Variants in PHACTR2 observed in about 807,000 individuals in gnomAD.
PHACTR2 encodes the protein chromosome 6 open reading frame 56.
Under a neutral mutation model 76.0 loss-of-function variants are expected in PHACTR2, and 30 were observed. That is an observed-to-expected ratio of 0.39 (90% CI 0.30 to 0.54). The LOEUF (loss-of-function observed/expected upper bound fraction) is 0.54. Among genes scored for constraint, PHACTR2 ranks in the 20% least tolerant of loss-of-function variants. The pLI is 0.61. For missense variants in PHACTR2, 696 were observed against 781.1 expected (o/e 0.89, Z 1.30); for synonymous variants, 292 against 292.5 (o/e 1.00, Z 0.02).
chr6:143,624,490 C>T lies in PHACTR2; in HGVS notation c.13+16168C>T, dbSNP rs1776219106. Among the ~76,000 whole-genome samples, 1 of 152,222 alleles carries T rather than the reference C, an allele frequency of 6.6e-6. No homozygotes were observed. Among genetic ancestry groups the T allele is most frequent in the African/African-American group, 2.4e-5 (1 of 41,460 alleles). ...CAATATCACCACAACATGGACATTTCAACTAGATTTTCTTCCACCTTCCTA... is the reference window on the plus strand; with the variant it reads ...CAATATCACCACAACATGGACATTTTAACTAGATTTTCTTCCACCTTCCTA... On this transcript the variant is annotated intron_variant, in intron 1 of 11. Coordinates refer to the PHACTR2 transcript ENST00000305766. This position sits in a 1 kb window ranked among gnomAD's most constrained non-coding sequence, Gnocchi z 4.6.
At position 143,757,006 on chromosome 6, in the gene PHACTR2, A is replaced by C. The variant is rs1779316039; in HGVS notation, c.454+3094A>C. Among the ~76,000 whole-genome samples, 1 of 152,136 alleles carries C rather than the reference A, an allele frequency of 6.6e-6. No homozygotes were observed. Among genetic ancestry groups the C allele is most frequent in the African/African-American group, 2.4e-5 (1 of 41,440 alleles). On this transcript the variant is annotated intron_variant, in intron 4 of 12. Coordinates refer to ENST00000440869, the MANE Select transcript of PHACTR2 (RefSeq NM_001100164.2). The surrounding 1 kb of genome is among the most constrained non-coding windows in gnomAD (Gnocchi z 4.2). ...AGGTTGTAGTGAGCTGAGTTCAGGC[A>C]CCATTGCACTCCAGCCTGGGTGACA... is the stretch of plus-strand genomic sequence containing the variant.
At chr6:143,565,769 G>T (rs540440900) in intron 1 of PHACTR2, among the ~76,000 whole-genome samples, 2 of 152,172 alleles carry the variant, frequency 1.3e-5, no homozygotes, top group Admixed American at 6.5e-5. Flanking sequence ...AGGTAGGAGG[G>T]CCCCAGAATG....
In PHACTR2 at chr6:143,733,998, C is replaced by T. The variant is rs528051715; in HGVS notation, c.215-14987C>T. ...ATAAAGGAGACTAATTATTTCTCCCCTTTTCTTCTCCCAGTAGAATGGATT... is the reference window on the plus strand; with the variant it reads ...ATAAAGGAGACTAATTATTTCTCCCTTTTTCTTCTCCCAGTAGAATGGATT... On this transcript the variant is annotated intron_variant, in intron 2 of 12. Coordinates refer to ENST00000440869, the MANE Select transcript of PHACTR2 (RefSeq NM_001100164.2). The surrounding 1 kb of genome is among the most constrained non-coding windows in gnomAD (Gnocchi z 4.0). 6.6e-6 allele frequency among the ~76,000 whole-genome samples: 1 copy of T among 152,130 alleles called. No homozygotes were observed.
chr6:143,729,442 T>A (rs1778653427), intron 2 of PHACTR2, among the ~76,000 whole-genome samples: 1 of 152,180 alleles, frequency 6.6e-6, no homozygotes, highest in Non-Finnish European at 1.5e-5. Flanking sequence ...ATCCTATGTT[T>A]TCTTCTAAAT....
intron 1 of PHACTR2, among the ~76,000 whole-genome samples, chr6:143,615,316 T>C (rs1259466603): frequency 6.6e-6 from 1 of 152,176 alleles, no homozygotes; most frequent in Non-Finnish European, 1.5e-5. Flanking sequence ...GTGTTTTCCA[T>C]AGCATTGAGC....
At chr6:143,734,882 C>T (rs1376326878) in intron 2 of PHACTR2, among the ~76,000 whole-genome samples, 1 of 152,138 alleles carries the variant, frequency 6.6e-6, no homozygotes, top group African/African-American at 2.4e-5. Flanking sequence ...GCCCTTCTGG[C>T]CTGGGTCAGA....
rs1334114689 is a variant in PHACTR2 at position 143,825,761 on chromosome 6, A to G, written c.*2072A>G. ...TTAAACACTTTTTAAATTTCTAACCACAAGACCTCTCTATAATGGTAAATG... is the reference window on the plus strand; with the variant it reads ...TTAAACACTTTTTAAATTTCTAACCGCAAGACCTCTCTATAATGGTAAATG... On this transcript the variant is annotated 3_prime_UTR_variant, in exon 13 of 13. Coordinates refer to ENST00000440869, the MANE Select transcript of PHACTR2 (RefSeq NM_001100164.2). This position sits in a 1 kb window ranked among gnomAD's most constrained non-coding sequence, Gnocchi z 4.1. The G allele has an allele frequency of 6.6e-6, 1 of 152,136 alleles. No individual in the cohort carries two copies. Among genetic ancestry groups the G allele is most frequent in the Non-Finnish European group, 1.5e-5 (1 of 68,024 alleles). 9.4% of individuals were successfully genotyped at this position (152,136 alleles called of 1,614,324 possible).
chr6:143,790,209 C>T (rs9496771), intron 11 of PHACTR2, among the ~76,000 whole-genome samples: 91,965 of 151,836 alleles, frequency 0.61, 27,872 homozygotes, highest in South Asian at 0.67. Flanking sequence ...TTGTGAAGGT[C>T]AATAAGCTTG....
At position 143,730,694 on chromosome 6, in the gene PHACTR2, C is replaced by A. The variant is rs57989476; in HGVS notation, c.215-18291C>A. 2.0e-5 allele frequency among the ~76,000 whole-genome samples: 3 copies of A among 152,052 alleles called. No individual in the cohort carries two copies. The highest frequency in any genetic ancestry group is 6.6e-5 in the Admixed American group (1 of 15,260). Reference sequence around the variant, plus strand: ...TTGAAGGAGATATCCATGCTTTGTTCCTATTCTTAGGGGGAAAGCATTCAT... The same window carrying A: ...TTGAAGGAGATATCCATGCTTTGTTACTATTCTTAGGGGGAAAGCATTCAT... On this transcript the variant is annotated intron_variant, in intron 2 of 12. Coordinates refer to ENST00000440869, the MANE Select transcript of PHACTR2 (RefSeq NM_001100164.2). This position sits in a 1 kb window ranked among gnomAD's most constrained non-coding sequence, Gnocchi z 4.8.
rs529706933 is a variant in PHACTR2, at chr6:143,738,252, G to A, written c.215-10733G>A. Among the ~76,000 whole-genome samples, 21 of 152,270 alleles carry A rather than the reference G, an allele frequency of 1.4e-4. No homozygotes were observed. Among genetic ancestry groups the A allele is most frequent in the African/African-American group, 4.8e-4 (20 of 41,548 alleles). On this transcript the variant is annotated intron_variant, in intron 2 of 12. Coordinates refer to ENST00000440869, the MANE Select transcript of PHACTR2 (RefSeq NM_001100164.2). This position sits in a 1 kb window ranked among gnomAD's most constrained non-coding sequence, Gnocchi z 4.0. ...TGTAATCCCAGCTACTCAGGAGGCT[G>A]AGGCAGGAGAATCGCTTGACCCGGG...
chr6:143,540,161 G>T (rs1174397245), intron 1 of PHACTR2, among the ~76,000 whole-genome samples: 2 of 152,106 alleles, frequency 1.3e-5, no homozygotes, highest in Non-Finnish European at 2.9e-5. Flanking sequence ...TCCTATTTTT[G>T]ATTCCAGCTA....
In PHACTR2 at chr6:143,689,347, A is replaced by G. The variant is rs1461668841; in HGVS notation, c.46+11138A>G. ...GTCTTGTTCACCAATGTCTCTTCTT[A>G]TTCCTAGGTATATGCCTGACACCAA... On this transcript the variant is annotated intron_variant, in intron 1 of 12. Coordinates refer to ENST00000440869, the MANE Select transcript of PHACTR2 (RefSeq NM_001100164.2). The surrounding 1 kb of genome is among the most constrained non-coding windows in gnomAD (Gnocchi z 4.4). Among the ~76,000 whole-genome samples, 1 of 152,212 alleles carries G rather than the reference A, an allele frequency of 6.6e-6. No homozygotes were observed. The highest frequency in any genetic ancestry group is 1.5e-5 in the Non-Finnish European group (1 of 68,028).
At position 143,709,657 on chromosome 6, in the gene PHACTR2, T is replaced by A. The variant is rs1778127782; in HGVS notation, c.47-2359T>A. Among the ~76,000 whole-genome samples the A allele has an allele frequency of 6.6e-6, 1 of 152,152 alleles. No individual in the cohort carries two copies. Among genetic ancestry groups the A allele is most frequent in the Non-Finnish European group, 1.5e-5 (1 of 68,020 alleles). ...TTTCTCCACCTGTCCTCTGTTGACA[T>A]GCTGTGTATGTGTGTGGGGTGTCCT... On this transcript the variant is annotated intron_variant, in intron 1 of 12. Transcript: ENST00000440869. The surrounding 1 kb of genome is among the most constrained non-coding windows in gnomAD (Gnocchi z 4.4).
intron 11 of PHACTR2, among the ~76,000 whole-genome samples, chr6:143,790,653 G>A (rs1429314578): frequency 1.3e-5 from 2 of 151,188 alleles, no homozygotes; most frequent in Admixed American, 6.6e-5. Context: ...TATGTATGTT[G>A]CAAATATTGA....
intron 1 of PHACTR2, among the ~76,000 whole-genome samples, chr6:143,703,156 T>TAAAAAAAA (rs57738495): frequency 2.2e-5 from 2 of 91,142 alleles, no homozygotes; most frequent in Admixed American, 1.3e-4. Context: ...AAAAAATTAC[T>TAAAAAAAA]AAAAAAAAAA....
Position 143,754,795 on chromosome 6 carries a change from A to G in PHACTR2, c.454+883A>G, listed in dbSNP as rs2273211. 0.4 allele frequency among the ~76,000 whole-genome samples: 60,423 copies of G among 152,012 alleles called. 12,065 individuals carry two copies. The highest frequency in any genetic ancestry group is 0.44 in the African/African-American group (18,283 of 41,418). On this transcript the variant is annotated intron_variant, in intron 4 of 12. Transcript: ENST00000440869. This position sits in a 1 kb window ranked among gnomAD's most constrained non-coding sequence, Gnocchi z 6.2. ...ATCTTTAGGAAATATACTATTTCCT[A>G]TTTTATAATGTCTGTCTCTAAGTTG...
chr6:143,580,984 A>G lies in PHACTR2; in HGVS notation c.217+43777A>G, dbSNP rs1002389831. On this transcript the variant is annotated intron_variant, in intron 1 of 11. Transcript: ENST00000367584. This position sits in a 1 kb window ranked among gnomAD's most constrained non-coding sequence, Gnocchi z 4.2. ...CAACACAGCAGACCAGATATCCTATAAAAGTCTTCCATTACAGAACACCTA... is the reference window on the plus strand; with the variant it reads ...CAACACAGCAGACCAGATATCCTATGAAAGTCTTCCATTACAGAACACCTA... 6.6e-6 allele frequency among the ~76,000 whole-genome samples: 1 copy of G among 152,228 alleles called. No homozygotes were observed. The highest frequency in any genetic ancestry group is 1.5e-5 in the Non-Finnish European group (1 of 68,028).
upstream of PHACTR2, among the ~76,000 whole-genome samples, chr6:143,675,140 C>G (rs1243854203): frequency 6.6e-6 from 1 of 152,198 alleles, no homozygotes; most frequent in Non-Finnish European, 1.5e-5. The surrounding 1 kb of genome is among the most constrained non-coding windows in gnomAD (Gnocchi z 4.9). Flanking sequence ...GGCACACTGG[C>G]TTTCAGAAGG....
rs1240337618 is a variant in PHACTR2, at chr6:143,580,138, T to C, written c.217+42931T>C. The stretch of plus-strand genomic sequence containing the variant: ...CAAGAGAGGGATAGCAAGATGGGAG[T>C]CATGATCTTTCTATAGCTTCGTCTC... On this transcript the variant is annotated intron_variant, in intron 1 of 11. Transcript: ENST00000367584. This position sits in a 1 kb window ranked among gnomAD's most constrained non-coding sequence, Gnocchi z 4.2. Among the ~76,000 whole-genome samples, 1 of 151,816 alleles carries C rather than the reference T, an allele frequency of 6.6e-6. No individual in the cohort carries two copies. The highest frequency in any genetic ancestry group is 1.5e-5 in the Non-Finnish European group (1 of 67,952).
Sources: gnomAD v4.1 joint callset for allele counts (sites outside exome capture counted in the v4.1 genomes callset) on GRCh38, gnomAD v4.1.1 for gene constraint, Gnocchi (gnomAD v3.1) non-coding constraint, MANE v1.5 for transcripts, NCBI Gene and HGNC (gene_info 2026-07-23, HGNC 2026-07-21) for gene names.